The following ZNF227 variants were observed in gnomAD, a reference collection of about 807,000 sequenced individuals.
ZNF227 encodes the protein zinc finger protein 227.
ZNF227 carries 12 observed loss-of-function variants against 13.2 expected under a neutral mutation model. That is an observed-to-expected ratio of 0.91 (90% CI 0.58 to 1.47). ZNF227 has a LOEUF of 1.47. ZNF227 is among the 40% of genes most tolerant of loss of function. The pLI is 0.00. For missense variants in ZNF227, 885 were observed against 967.5 expected, an observed-to-expected ratio of 0.91 and a Z score of 1.13; for synonymous variants, 338 against 326.0, an observed-to-expected ratio of 1.04 and a Z score of -0.40.
chr19:44,229,754 A>C lies in ZNF227; in HGVS notation c.209A>C (p.Asp70Ala). Residue 70 changes from aspartate (D) to alanine (A), a missense_variant, in exon 5 of 6, where the codon GAT becomes GCT. Coordinates refer to ENST00000313040, the MANE Select transcript of ZNF227 (RefSeq NM_182490.3). ...ATAGGGCATCTTCCCTTCCAACCAG[A>C]TATGGTATCCCAATTGGAAGCAGAA... ...VAVGHLPFQP[D>A]MVSQLEAEEK... The C allele has an allele frequency of 6.3e-7, 1 of 1,588,744 alleles. No homozygotes were observed. Among genetic ancestry groups the C allele is most frequent in the Non-Finnish European group, 8.6e-7 (1 of 1,163,440 alleles).
chr19:44,235,695 A>G lies in ZNF227; in HGVS notation c.1265A>G (p.His422Arg). The G allele has an allele frequency of 3.1e-6, 5 of 1,613,986 alleles. No individual in the cohort carries two copies. The highest frequency in any genetic ancestry group is 2.2e-5 in the East Asian group (1 of 44,852). Reference protein sequence around the residue: ...ECGKGFTQAAHFHIHQRVHTG... With the variant: ...ECGKGFTQAARFHIHQRVHTG... ...GGTAAGGGCTTCACTCAGGCTGCAC[A>G]TTTTCACATCCATCAGAGAGTCCAC... Residue 422 changes from histidine to arginine, a missense_variant, in exon 6 of 6, where the codon CAT (histidine) becomes CGT (arginine). Coordinates refer to ENST00000313040, the MANE Select transcript of ZNF227 (RefSeq NM_182490.3).
chr19:44,210,189 C>G (rs1420090389), upstream of ZNF227, among the ~76,000 whole-genome samples: 5 of 151,966 alleles, frequency 3.3e-5, no homozygotes, highest in Non-Finnish European at 5.9e-5. Flanking sequence ...AGTTTTTTTC[C>G]CAGTAATCAA....
In ZNF227 at chr19:44,227,635, T is replaced by C. The variant is rs28698937; in HGVS notation, c.61-811T>C. On this transcript the variant is annotated intron_variant, in intron 3 of 5. Coordinates refer to ENST00000313040, the MANE Select transcript of ZNF227 (RefSeq NM_182490.3). ...GGCACAATCATGGCTCACTGCACCG[T>C]CAAACTCCTGGGCTGAAGTGATCCT... 7.2e-3 allele frequency among the ~76,000 whole-genome samples: 1,093 copies of C among 152,302 alleles called. 11 individuals carry two copies. The highest frequency in any genetic ancestry group is 0.025 in the African/African-American group (1,021 of 41,572).
At chr19:44,217,986 G>GT (rs1268524946) in intron 3 of ZNF227, 134 bp downstream of exon 3, 12 of 958,530 alleles carry the variant, frequency 1.3e-5, no homozygotes, top group East Asian at 5.2e-5. Context: ...ACATGTATGT[G>GT]TTTTTTTGTT....
At chr19:44,234,678 A>G in intron 5 of ZNF227, 24 bp from the exon 6 acceptor site, 1 of 1,546,924 alleles carries the variant, frequency 6.5e-7, no homozygotes, top group Non-Finnish European at 8.7e-7. Context: ...ATCTCTAAAT[A>G]TTGCCTTTTT....
intron 5 of ZNF227, among the ~76,000 whole-genome samples, chr19:44,230,926 A>AAAAAAAAAAAATAT (rs1555792168): frequency 1.5e-5 from 1 of 68,116 alleles, no homozygotes; most frequent in African/African-American, 9.8e-5. Context: ...AAAAAAAAAA[A>AAAAAAAAAAAATAT]ATATATATAT....
rs773724916 is a variant in ZNF227 at position 44,235,449 on chromosome 19, T to C, written c.1019T>C (p.Ile340Thr). Reference protein sequence around the residue: ...GKGFSSSTGLIIHYRTHTGEK... With the variant: ...GKGFSSSTGLTIHYRTHTGEK... Reference sequence around the variant, plus strand: ...GGATTCAGTAGCAGCACGGGTCTTATCATTCATTACAGAACTCATACTGGA... The same window carrying C: ...GGATTCAGTAGCAGCACGGGTCTTACCATTCATTACAGAACTCATACTGGA... The change falls in exon 6 of 6, where the codon ATC becomes ACC. Residue 340 changes from isoleucine (I) to threonine (T), a missense_variant. By Grantham distance (89) the Ile-to-Thr change is moderately conservative. Transcript: ENST00000313040. 5.0e-6 allele frequency: 8 copies of C among 1,613,980 alleles called. No individual in the cohort carries two copies. In the South Asian group the frequency reaches 6.6e-5, roughly 13 times the overall value.
chr19:44,208,317 T>G (rs950940927), upstream of ZNF227, among the ~76,000 whole-genome samples: 1 of 152,244 alleles, frequency 6.6e-6, no homozygotes, highest in African/African-American at 2.4e-5. Flanking sequence ...GAGAATCCAG[T>G]GTTAGTTAAC....
chr19:44,223,879 C>T (rs2122773664), intron 3 of ZNF227, among the ~76,000 whole-genome samples: 1 of 152,130 alleles, frequency 6.6e-6, no homozygotes, highest in South Asian at 2.1e-4. Flanking sequence ...TTGGATCTTT[C>T]CTGCTTTCTC....
At chr19:44,228,169 T>A (rs1973373849) in intron 3 of ZNF227, 2 of 257,018 alleles carry the variant, frequency 7.8e-6, no homozygotes, top group Admixed American at 1.1e-4. Flanking sequence ...AGGCGGAGGT[T>A]GCAGTGAGCA....
At chr19:44,224,316 G>A (rs865818677) in intron 3 of ZNF227, among the ~76,000 whole-genome samples, 17 of 152,120 alleles carry the variant, frequency 1.1e-4, no homozygotes, top group African/African-American at 4.1e-4. Flanking sequence ...TCAATTCCTG[G>A]GTATCCTTGT....
chr19:44,228,292 A>G, intron 3 of ZNF227, 154 bp from the exon 4 acceptor site: 1 of 799,956 alleles, frequency 1.3e-6, no homozygotes, highest in Non-Finnish European at 1.9e-6. Flanking sequence ...CGTAGGAGAT[A>G]GTGAGACAGG....
chr19:44,212,606 CACGA>C (rs1049090407), intron 1 of ZNF227, 21 bp downstream of exon 1: 8 of 152,214 alleles, frequency 5.3e-5, no homozygotes, highest in African/African-American at 1.9e-4. Context: ...CCTGCACCCC[CACGA>C]CCCCTCTTGA....
rs2122996908 is a variant in ZNF227, at chr19:44,236,681, A to G, written c.2251A>G (p.Lys751Glu). The change falls in exon 6 of 6, where the codon AAA becomes GAA. Residue 751 changes from lysine (K) to glutamate (E), a missense_variant. By Grantham distance (56) the Lys-to-Glu change is moderately conservative (BLOSUM62 1). Coordinates refer to ENST00000313040, the MANE Select transcript of ZNF227 (RefSeq NM_182490.3). Reference protein sequence around the residue: ...EKLFKCEECGKGFSQSARLEA... With the variant: ...EKLFKCEECGEGFSQSARLEA... ...ACTCTTTAAATGTGAAGAGTGTGGT[A>G]AAGGCTTCAGTCAGAGTGCACGTCT... is the stretch of plus-strand genomic sequence containing the variant. The G allele has an allele frequency of 6.2e-7, 1 of 1,614,156 alleles. No individual in the cohort carries two copies. The highest frequency in any genetic ancestry group is 2.2e-5 in the East Asian group (1 of 44,876).
chr19:44,212,521 T>G (rs1158692280), upstream of ZNF227: 1 of 152,130 alleles, frequency 6.6e-6, no homozygotes, highest in African/African-American at 2.4e-5. Context: ...GTTCAGGAGC[T>G]CTGGGCAGGC....
At chr19:44,218,901 T>C (rs1471582536) in intron 3 of ZNF227, among the ~76,000 whole-genome samples, 1 of 152,242 alleles carries the variant, frequency 6.6e-6, no homozygotes, top group African/African-American at 2.4e-5. Context: ...CTTTTTATTC[T>C]TTTGAGACAG....
intron 3 of ZNF227, chr19:44,227,092 T>C (rs1403354743): frequency 6.6e-6 from 1 of 152,234 alleles, no homozygotes; most frequent in Non-Finnish European, 1.5e-5. Flanking sequence ...AATCCTGTTG[T>C]ATGTAGTCAC....
upstream of ZNF227, among the ~76,000 whole-genome samples, chr19:44,211,835 G>C (rs1020866485): frequency 7.2e-6 from 1 of 138,898 alleles, no homozygotes; most frequent in Non-Finnish European, 1.5e-5. Flanking sequence ...TTTTTTGGAA[G>C]TGGTGGGTAT....
intron 5 of ZNF227, among the ~76,000 whole-genome samples, chr19:44,230,606 T>G (rs1468835471): frequency 6.6e-6 from 1 of 152,120 alleles, no homozygotes; most frequent in Non-Finnish European, 1.5e-5. Context: ...CCTTACTTAC[T>G]GCACTCAGGT....
Sources: gnomAD v4.1 joint callset for allele counts (sites outside exome capture counted in the v4.1 genomes callset) on GRCh38, gnomAD v4.1.1 for gene constraint, MANE v1.5 for transcripts, NCBI Gene and HGNC (gene_info 2026-07-23, HGNC 2026-07-21) for gene names.